The following CDK15 variants were observed in gnomAD, a reference collection of about 807,000 sequenced individuals.
The protein encoded by CDK15 is cyclin dependent kinase 15, also known as cyclin-dependent kinase 15.
A neutral mutation model predicts 60.3 loss-of-function variants in CDK15; 62 were observed. The ratio of observed to expected loss-of-function variants is 1.03; its 90% CI spans 0.84 to 1.27. CDK15 has a LOEUF of 1.27. Ranked by LOEUF, CDK15 falls within the 50% of genes most tolerant of loss-of-function variation. The probability of loss-of-function intolerance (pLI) is 0.00; values close to 1 mark genes in which losing one functional copy is unlikely to be tolerated. For missense variants in CDK15, 541 were observed against 527.8 expected, an observed-to-expected ratio of 1.03 and a Z score of -0.25; for synonymous variants, 194 against 195.7, an observed-to-expected ratio of 0.99 and a Z score of 0.07.
intron 10 of CDK15, among the ~76,000 whole-genome samples, chr2:201,864,107 C>G (rs1488399604): frequency 6.6e-6 from 1 of 152,062 alleles, no homozygotes; most frequent in Non-Finnish European, 1.5e-5. Flanking sequence ...AAATATGACA[C>G]TGGTACCTGC....
intron 12 of CDK15, chr2:201,888,520 G>A: frequency 6.6e-7 from 1 of 1,524,540 alleles, no homozygotes. Flanking sequence ...AGTCACCAGA[G>A]TGGAAGGTTT....
intron 6 of CDK15, among the ~76,000 whole-genome samples, chr2:201,827,522 A>G (rs566764077): frequency 3.5e-4 from 54 of 152,352 alleles, no homozygotes; most frequent in African/African-American, 1.2e-3. Context: ...AGAGAAAATA[A>G]TATGATCAGA....
chr2:201,867,576 G>A (rs1194923014), intron 10 of CDK15, among the ~76,000 whole-genome samples: 1 of 134,912 alleles, frequency 7.4e-6, no homozygotes, highest in Non-Finnish European at 1.7e-5. Context: ...AGTGAGCTGT[G>A]ATCATGCTCA....
chr2:201,829,957 A>C (rs944123943), intron 6 of CDK15, among the ~76,000 whole-genome samples: 2 of 151,924 alleles, frequency 1.3e-5, no homozygotes, highest in Non-Finnish European at 2.9e-5. Flanking sequence ...ACAGGCACCC[A>C]CCACCTCACC....
intron 11 of CDK15, among the ~76,000 whole-genome samples, chr2:201,874,802 T>C (rs1699009813): frequency 6.6e-6 from 1 of 152,208 alleles, no homozygotes; most frequent in Non-Finnish European, 1.5e-5. Context: ...TTCTTCCTAG[T>C]ATTGGATGTA....
chr2:201,813,769 A>G (rs1211781328), intron 4 of CDK15, among the ~76,000 whole-genome samples: 1 of 152,234 alleles, frequency 6.6e-6, no homozygotes, highest in African/African-American at 2.4e-5. Context: ...TTATAACTGA[A>G]TTTGATACCC....
chr2:201,884,734 A>G (rs1163692326), intron 12 of CDK15, among the ~76,000 whole-genome samples: 2 of 152,114 alleles, frequency 1.3e-5, no homozygotes, highest in Non-Finnish European at 2.9e-5. Flanking sequence ...CTTATCTCTG[A>G]GAATATGGAG....
intron 11 of CDK15, among the ~76,000 whole-genome samples, chr2:201,879,148 G>A (rs77417872): frequency 3.4e-4 from 51 of 152,238 alleles, no homozygotes; most frequent in African/African-American, 1.2e-3. Flanking sequence ...TCAACTTGAG[G>A]ATTTGTCCTT....
chr2:201,859,055 C>T (rs1698268055), intron 10 of CDK15, among the ~76,000 whole-genome samples: 1 of 152,156 alleles, frequency 6.6e-6, no homozygotes, highest in African/African-American at 2.4e-5. Context: ...AGCCAAGACA[C>T]ATTAATCAAG....
intron 10 of CDK15, among the ~76,000 whole-genome samples, chr2:201,858,196 G>A (rs1001685960): frequency 3.9e-5 from 6 of 152,144 alleles, no homozygotes; most frequent in African/African-American, 9.7e-5. Flanking sequence ...TGACCCAGTC[G>A]GATTTCTCTG....
intron 6 of CDK15, among the ~76,000 whole-genome samples, chr2:201,828,779 G>T (rs1696620784): frequency 6.6e-6 from 1 of 152,128 alleles, no homozygotes; most frequent in Admixed American, 6.5e-5. Context: ...CTATCCAGAA[G>T]GTCTCTGTAC....
Position 201,812,518 on chromosome 2 carries a change from G to A in CDK15, c.404G>A (p.Ser135Asn), listed in dbSNP as rs565829983. 1.3e-5 allele frequency: 21 copies of A among 1,613,074 alleles called. No homozygotes were observed. The South Asian group carries it at 2.1e-4, about 16-fold the overall frequency. ...CAACTAGTGGCTTTAAAAGTCATCA[G>A]CATGAATGCAGAGGAAGGAGTCCCA... ...NGQLVALKVISMNAEEGVPFT... is the reference protein window; with the variant it reads ...NGQLVALKVINMNAEEGVPFT... The change falls in exon 4 of 14, where the codon AGC becomes AAC. Residue 135 changes from serine (S) to asparagine (N), a missense_variant. Coordinates refer to ENST00000652192, the MANE Select transcript of CDK15 (RefSeq NM_001366386.2).
At chr2:201,817,137 G>T (rs145990665) in intron 4 of CDK15, among the ~76,000 whole-genome samples, 3 of 152,266 alleles carry the variant, frequency 2.0e-5, no homozygotes, top group African/African-American at 4.8e-5. Flanking sequence ...GTGAAGCCAA[G>T]AACCCTCCCA....
intron 10 of CDK15, among the ~76,000 whole-genome samples, chr2:201,859,950 C>T (rs1169906485): frequency 6.6e-6 from 1 of 152,182 alleles, no homozygotes; most frequent in Non-Finnish European, 1.5e-5. Context: ...CCTTACTCCT[C>T]TGGAGGTTGT....
Position 201,847,378 on chromosome 2 carries a change from T to C in CDK15, c.852-3T>C. 6.2e-7 allele frequency: 1 copy of C among 1,612,692 alleles called. No homozygotes were observed. Among genetic ancestry groups the C allele is most frequent in the Non-Finnish European group, 8.5e-7 (1 of 1,179,362 alleles). ...GTCAATTTACTCTTATTTCATTTGC[T>C]AGGGGTGCAGGCTGCATCTTTATTG... On this transcript the variant is annotated splice_polypyrimidine_tract_variant and splice_region_variant and intron_variant, in intron 8 of 13. Transcript: ENST00000652192.
At chr2:201,890,150 ACT>A (rs1437036493) in intron 12 of CDK15, among the ~76,000 whole-genome samples, 1 of 151,870 alleles carries the variant, frequency 6.6e-6, no homozygotes, top group Non-Finnish European at 1.5e-5. Context: ...ATTGCCTATC[ACT>A]CTCGAACATC....
intron 8 of CDK15, among the ~76,000 whole-genome samples, chr2:201,843,996 T>C (rs991982320): frequency 6.6e-6 from 1 of 152,190 alleles, no homozygotes; most frequent in Non-Finnish European, 1.5e-5. Flanking sequence ...TTCCAGGCAA[T>C]GGAAGGCTTT....
intron 4 of CDK15, among the ~76,000 whole-genome samples, chr2:201,819,158 G>A (rs71424302): frequency 2.6e-5 from 4 of 152,196 alleles, no homozygotes; most frequent in Non-Finnish European, 5.9e-5. Context: ...GAGGGCTGCT[G>A]AGGTGGGATG....
chr2:201,841,995 A>G (rs927685324), intron 8 of CDK15, among the ~76,000 whole-genome samples: 7 of 152,230 alleles, frequency 4.6e-5, no homozygotes, highest in South Asian at 2.1e-4. Flanking sequence ...TAAAATATAC[A>G]TAAAATTTAC....
Sources: gnomAD v4.1 joint callset for allele counts (sites outside exome capture counted in the v4.1 genomes callset) on GRCh38, gnomAD v4.1.1 for gene constraint, MANE v1.5 for transcripts, NCBI Gene and HGNC (gene_info 2026-07-23, HGNC 2026-07-21) for gene names.